Variants in MTMR12 observed in about 807,000 individuals in gnomAD.
The protein encoded by MTMR12 is myotubularin-related protein 12.
MTMR12 carries 33 observed loss-of-function variants against 96.7 expected under a neutral mutation model. The observed-to-expected ratio is 0.34, with a 90% confidence interval of 0.26 to 0.46. MTMR12 has a LOEUF of 0.46. MTMR12 is among the 20% of genes least tolerant of loss of function. MTMR12 has a pLI of 1.00. For synonymous variants in MTMR12, 298 were observed against 327.2 expected (o/e 0.91, Z 0.96); for missense variants, 721 against 896.1 (o/e 0.80, Z 2.49).
chr5:32,244,411 G>A (rs1184680794), intron 10 of MTMR12, among the ~76,000 whole-genome samples: 1 of 151,874 alleles, frequency 6.6e-6, no homozygotes, highest in Non-Finnish European at 1.5e-5. Context: ...CCAACACAGA[G>A]AAACCCCGTC....
intron 8 of MTMR12, among the ~76,000 whole-genome samples, chr5:32,249,525 T>C (rs778092230): frequency 6.6e-6 from 1 of 152,322 alleles, no homozygotes; most frequent in South Asian, 2.1e-4. Context: ...ACTAAGATAC[T>C]GTGTCTACCT....
chr5:32,250,981 CA>C (rs1385929983), intron 8 of MTMR12, among the ~76,000 whole-genome samples: 2 of 151,820 alleles, frequency 1.3e-5, no homozygotes, highest in Non-Finnish European at 1.5e-5. Context: ...AGGCAAGAAT[CA>C]CAGTTTGTTA....
At chr5:32,291,620 A>T (rs114188612) in intron 1 of MTMR12, among the ~76,000 whole-genome samples, 2,335 of 152,292 alleles carry the variant, frequency 0.015, 29 homozygotes, top group Non-Finnish European at 0.024. Flanking sequence ...GACACCACTC[A>T]GACTCTTCCC....
At chr5:32,267,416 GT>G (rs1158438761) in intron 6 of MTMR12, among the ~76,000 whole-genome samples, 1 of 149,798 alleles carries the variant, frequency 6.7e-6, no homozygotes, top group Non-Finnish European at 1.5e-5. Flanking sequence ...ACAGAACCAA[GT>G]GAACAGACTG....
intron 1 of MTMR12, among the ~76,000 whole-genome samples, chr5:32,292,232 T>C (rs1242685051): frequency 6.6e-6 from 1 of 152,166 alleles, no homozygotes; most frequent in Non-Finnish European, 1.5e-5. Flanking sequence ...CCATGTATGC[T>C]CTGAATCAGC....
At chr5:32,251,758 C>T (rs1748936606) in intron 8 of MTMR12, among the ~76,000 whole-genome samples, 2 of 152,036 alleles carry the variant, frequency 1.3e-5, no homozygotes, top group Admixed American at 6.6e-5. Flanking sequence ...GCCCATGGAA[C>T]GGGACTCCAA....
chr5:32,241,573 G>A (rs923120326), intron 12 of MTMR12, among the ~76,000 whole-genome samples: 3 of 152,248 alleles, frequency 2.0e-5, no homozygotes, highest in African/African-American at 2.4e-5. Flanking sequence ...ACTTGCTTTC[G>A]CACATTCTGA....
Position 32,230,116 on chromosome 5 carries a change from T to G in MTMR12, c.1906A>C (p.Ile636Leu). 6.2e-7 allele frequency: 1 copy of G among 1,612,594 alleles called. No homozygotes were observed. The highest frequency in any genetic ancestry group is 8.5e-7 in the Non-Finnish European group (1 of 1,178,856). ...AGGTAGCGCTGGGCCCAGACTTTGA[T>G]TTCGGGCCCCTCGATATGCGGTAAC... ...LLLPHIEGPEIKVWAQRYLRW... is the reference protein window; with the variant it reads ...LLLPHIEGPELKVWAQRYLRW... The change falls in exon 16 of 16, where the codon ATC (isoleucine) becomes CTC (leucine). Residue 636 changes from isoleucine to leucine, a missense_variant. By Grantham distance (5) the Ile-to-Leu change is conservative (BLOSUM62 2). Transcript: ENST00000382142.
intron 1 of MTMR12, among the ~76,000 whole-genome samples, chr5:32,303,181 T>C (rs1751214811): frequency 1.3e-5 from 2 of 152,246 alleles, no homozygotes; most frequent in Admixed American, 1.3e-4. Flanking sequence ...CATAATGGCA[T>C]TTGATATTAA....
chr5:32,241,265 G>C (rs1362106498), intron 12 of MTMR12, among the ~76,000 whole-genome samples: 5 of 152,146 alleles, frequency 3.3e-5, no homozygotes, highest in Non-Finnish European at 5.9e-5. Context: ...TCTTGAAGGC[G>C]GAACAGAGCC....
At chr5:32,299,087 G>A (rs1029936862) in intron 1 of MTMR12, among the ~76,000 whole-genome samples, 30 of 149,974 alleles carry the variant, frequency 2.0e-4, no homozygotes, top group African/African-American at 6.6e-4. Context: ...ACACACACAC[G>A]CACACACACA....
rs1444225186 is a variant in MTMR12, at chr5:32,228,745, T to C, written c.*1033A>G. 1 of 151,398 alleles carries C rather than the reference T, an allele frequency of 6.6e-6. No individual in the cohort carries two copies. Among genetic ancestry groups the C allele is most frequent in the African/African-American group, 2.4e-5 (1 of 41,004 alleles). The allele number at this position is 151,398 out of a possible 1,614,324, so 9.4% of individuals were successfully genotyped here. A position where few individuals can be genotyped will look rare whatever the true frequency, so the allele number is the denominator to read the frequency against. On this transcript the variant is annotated 3_prime_UTR_variant, in exon 16 of 16. Transcript: ENST00000382142. ...TGAGGTATCATATGATAATCATCAC[T>C]TCTGATATTTATGTTTAAGCTGCTT...
chr5:32,249,191 A>G (rs561309105), intron 8 of MTMR12, among the ~76,000 whole-genome samples: 7 of 152,342 alleles, frequency 4.6e-5, no homozygotes, highest in Admixed American at 4.6e-4. Context: ...CTATCATTCA[A>G]GTGCAGCTTA....
chr5:32,277,979 C>A (rs1345984090), intron 1 of MTMR12, among the ~76,000 whole-genome samples: 1 of 152,206 alleles, frequency 6.6e-6, no homozygotes, highest in Non-Finnish European at 1.5e-5. Context: ...GGGATACAGT[C>A]ATTTCTAACA....
intron 1 of MTMR12, among the ~76,000 whole-genome samples, chr5:32,287,886 T>A (rs1004369848): frequency 6.6e-6 from 1 of 152,174 alleles, no homozygotes; most frequent in Non-Finnish European, 1.5e-5. Flanking sequence ...AGGGACATAA[T>A]GAAGCTGGTT....
In MTMR12 at chr5:32,230,362, A is replaced by G; in HGVS notation, c.1675-15T>C. On this transcript the variant is annotated splice_polypyrimidine_tract_variant and intron_variant, in intron 15 of 15. Transcript: ENST00000382142. ...TGTCGTTGATGCTTTGAGAGAAAAC[A>G]CAAATAAAAATCACTGGTTAACATA... The G allele has an allele frequency of 1.3e-6, 2 of 1,581,292 alleles. No individual in the cohort carries two copies. Among genetic ancestry groups the G allele is most frequent in the South Asian group, 1.2e-5 (1 of 86,234 alleles).
intron 1 of MTMR12, among the ~76,000 whole-genome samples, chr5:32,310,470 T>C (rs943943692): frequency 1.3e-5 from 2 of 152,108 alleles, no homozygotes; most frequent in African/African-American, 2.4e-5. Flanking sequence ...TATTCAGCCA[T>C]AAAAAAGAAT....
At chr5:32,295,869 TAAGGC>T (rs942256332) in intron 1 of MTMR12, among the ~76,000 whole-genome samples, 1 of 152,202 alleles carries the variant, frequency 6.6e-6, no homozygotes, top group Non-Finnish European at 1.5e-5. Flanking sequence ...AAAGCTTTAT[TAAGGC>T]TGGGCATGGT....
chr5:32,255,876 G>T (rs1749114852), intron 7 of MTMR12, 108 bp from the exon 8 acceptor site: 2 of 951,216 alleles, frequency 2.1e-6, no homozygotes, highest in East Asian at 2.8e-5. Flanking sequence ...TAAGCAGATG[G>T]GACCATATTT....
Sources: allele counts gnomAD v4.1 joint callset (sites outside exome capture counted in the v4.1 genomes callset), GRCh38; gene constraint gnomAD v4.1.1; transcripts MANE v1.5; gene names NCBI Gene and HGNC (gene_info 2026-07-23, HGNC 2026-07-21).